Variants in FXYD7 observed in about 807,000 individuals in gnomAD.
FXYD7 encodes the protein FXYD domain-containing ion transport regulator 7.
FXYD7 carries 7 observed loss-of-function variants against 15.3 expected under a neutral mutation model. That is an observed-to-expected ratio of 0.46 (90% CI 0.26 to 0.86). The LOEUF is 0.86. Among genes scored for constraint, FXYD7 ranks in the 40% least tolerant of loss-of-function variants. The pLI is 0.16. For missense variants in FXYD7, 78 were observed against 100.6 expected (o/e 0.78, Z 0.96); for synonymous variants, 39 against 39.3 (o/e 0.99, Z 0.03).
intron 4 of FXYD7, 60 bp from the exon 5 acceptor site, chr19:35,151,573 C>T: frequency 6.3e-7 from 1 of 1,596,712 alleles, no homozygotes; most frequent in Non-Finnish European, 8.6e-7. Flanking sequence ...ATGCGTTTTC[C>T]CCAAAGCCTA....
At chr19:35,152,752 G>C (rs2065316191) in intron 5 of FXYD7, among the ~76,000 whole-genome samples, 1 of 151,808 alleles carries the variant, frequency 6.6e-6, no homozygotes, top group South Asian at 2.1e-4. Context: ...TGTAAGCATG[G>C]AAAGTGTAAA....
At chr19:35,153,813 G>T in intron 5 of FXYD7, 81 bp from the exon 6 acceptor site, 1 of 1,347,384 alleles carries the variant, frequency 7.4e-7, no homozygotes, top group South Asian at 1.2e-5. Flanking sequence ...CCATGGTGCC[G>T]GGGAATGGAG....
rs1475481216 is a variant in FXYD7 at position 35,151,510 on chromosome 19, A to AG, written c.179+33dup. The AG allele has an allele frequency of 3.1e-6, 5 of 1,612,948 alleles. No homozygotes were observed. The African/African-American group carries it at 4.0e-5, about 13-fold the overall frequency. Reference sequence around the variant, plus strand: ...CTGGCAGCAGTGGGCAAAGAGCGGGAGGGGGCCTCGGGGTGCCTCCCTAGC... The same window carrying AG: ...CTGGCAGCAGTGGGCAAAGAGCGGGAGGGGGGCCTCGGGGTGCCTCCCTAGC... On this transcript the variant is annotated intron_variant, in intron 4 of 5. Coordinates refer to ENST00000270310, the MANE Select transcript of FXYD7 (RefSeq NM_022006.2).
At chr19:35,149,022 C>T (rs1251528438) in intron 2 of FXYD7, 7 of 559,342 alleles carry the variant, frequency 1.3e-5, no homozygotes, top group Non-Finnish European at 2.0e-5. Context: ...GACTCTGAGC[C>T]CAGGCTGCCT....
intron 1 of FXYD7, among the ~76,000 whole-genome samples, chr19:35,145,775 G>A (rs1200866653): frequency 1.3e-5 from 2 of 152,106 alleles, no homozygotes; most frequent in African/African-American, 4.8e-5. Context: ...AAAAGGATTA[G>A]CTTTTTTATT....
At chr19:35,144,352 C>T (rs1345180199) in intron 1 of FXYD7, among the ~76,000 whole-genome samples, 1 of 152,166 alleles carries the variant, frequency 6.6e-6, no homozygotes, top group East Asian at 1.9e-4. Context: ...TTCCATTCCA[C>T]ACCAATTAAC....
chr19:35,153,989 G>A lies in FXYD7; in HGVS notation c.*73G>A. On this transcript the variant is annotated 3_prime_UTR_variant, in exon 6 of 6. Coordinates refer to ENST00000270310, the MANE Select transcript of FXYD7 (RefSeq NM_022006.2). ...CCTGAGGACCGGGTGGAGGCGGTGG[G>A]GACCCAGCCGCGCGCCGGGAGCGCT... The A allele has an allele frequency of 1.4e-6, 2 of 1,461,982 alleles. No individual in the cohort carries two copies. The highest frequency in any genetic ancestry group is 1.9e-6 in the Non-Finnish European group (2 of 1,053,620). 90.6% of individuals were successfully genotyped at this position (1,461,982 alleles called of 1,614,324 possible). A position where few individuals can be genotyped will look rare whatever the true frequency, so the allele number is the denominator to read the frequency against.
At chr19:35,144,968 A>G (rs2145394109) in intron 1 of FXYD7, among the ~76,000 whole-genome samples, 1 of 152,198 alleles carries the variant, frequency 6.6e-6, no homozygotes, top group South Asian at 2.1e-4. Flanking sequence ...GTCTCCCTCC[A>G]CCCTGCCAGA....
chr19:35,143,477 G>A lies in FXYD7; in HGVS notation c.31+113G>A. The A allele has an allele frequency of 8.5e-6, 7 of 828,298 alleles. No homozygotes were observed. The highest frequency in any genetic ancestry group is 1.1e-5 in the Non-Finnish European group (6 of 570,864). 51.3% of individuals were successfully genotyped at this position (828,298 alleles called of 1,614,324 possible). Reference sequence around the variant, plus strand: ...AAGGCAAGGGAGTTGGGGGAGGGAGGTCCGCTCCTCCTGTGGGCGGAAGCC... The same window carrying A: ...AAGGCAAGGGAGTTGGGGGAGGGAGATCCGCTCCTCCTGTGGGCGGAAGCC... On this transcript the variant is annotated intron_variant, in intron 1 of 5. Coordinates refer to ENST00000270310, the MANE Select transcript of FXYD7 (RefSeq NM_022006.2). The surrounding 1 kb of genome is among the most constrained non-coding windows in gnomAD (Gnocchi z 4.3).
At chr19:35,147,474 G>A (rs1403829036) in intron 1 of FXYD7, among the ~76,000 whole-genome samples, 2 of 152,150 alleles carry the variant, frequency 1.3e-5, no homozygotes, top group African/African-American at 2.4e-5. Flanking sequence ...TCTCCTGCAG[G>A]GGAACATGAT....
chr19:35,154,244 CT>C lies in FXYD7; in HGVS notation c.*329del. 2 of 478,994 alleles carry C rather than the reference CT, an allele frequency of 4.2e-6. No homozygotes were observed. The highest frequency in any genetic ancestry group is 2.8e-5 in the South Asian group (1 of 35,176). 29.7% of individuals were successfully genotyped at this position (478,994 alleles called of 1,614,324 possible). On this transcript the variant is annotated 3_prime_UTR_variant, in exon 6 of 6. Coordinates refer to ENST00000270310, the MANE Select transcript of FXYD7 (RefSeq NM_022006.2). ...GTCTCATCCCCGAAGATCCGTCCCC[CT>C]GGCCCCTCAGTGTCCATGTCTTGAG...
In FXYD7 at chr19:35,151,461, A is replaced by T. The variant is rs1346698179; in HGVS notation, c.158A>T (p.Lys53Met). The T allele has an allele frequency of 6.2e-7, 1 of 1,614,154 alleles. No individual in the cohort carries two copies. The highest frequency in any genetic ancestry group is 1.7e-5 in the Admixed American group (1 of 60,022). Reference sequence around the variant, plus strand: ...ACAGGCAAGAAGGTGAAGTGCAGGAAGGCGGACTCCAGGTCTGAGAGGTCT... The same window carrying T: ...ACAGGCAAGAAGGTGAAGTGCAGGATGGCGGACTCCAGGTCTGAGAGGTCT... ...IVISKKVKCR[K>M]ADSRSESPTC... Residue 53 changes from lysine (K) to methionine (M), a missense_variant, in exon 4 of 6, where the codon AAG (lysine) becomes ATG (methionine). Lys to Met is a moderately conservative substitution (Grantham distance 95). Transcript: ENST00000270310.
chr19:35,148,831 C>A, intron 2 of FXYD7, 108 bp downstream of exon 2: 1 of 975,286 alleles, frequency 1.0e-6, no homozygotes, highest in Non-Finnish European at 1.7e-6. Flanking sequence ...TGCTGGGCCA[C>A]TGGCCACGGG....
In FXYD7 at chr19:35,153,982, G is replaced by A; in HGVS notation, c.*66G>A. ...GCGGGAGCCTGAGGACCGGGTGGAGGCGGTGGGGACCCAGCCGCGCGCCGG... is the reference window on the plus strand; with the variant it reads ...GCGGGAGCCTGAGGACCGGGTGGAGACGGTGGGGACCCAGCCGCGCGCCGG... On this transcript the variant is annotated 3_prime_UTR_variant, in exon 6 of 6. Transcript: ENST00000270310. 1 of 1,526,594 alleles carries A rather than the reference G, an allele frequency of 6.6e-7. No homozygotes were observed. Among genetic ancestry groups the A allele is most frequent in the Non-Finnish European group, 9.0e-7 (1 of 1,108,118 alleles). 94.6% of individuals were successfully genotyped at this position (1,526,594 alleles called of 1,614,324 possible).
chr19:35,148,026 G>GGAGAGAAAGAAA (rs1366637230), intron 1 of FXYD7, among the ~76,000 whole-genome samples: 21 of 88,556 alleles, frequency 2.4e-4, no homozygotes, highest in African/African-American at 9.5e-4. Context: ...GAAGAAAGAA[G>GGAGAGAAAGAAA]GAAAGAAAGA....
chr19:35,144,478 C>T (rs1289515277), intron 1 of FXYD7, among the ~76,000 whole-genome samples: 2 of 152,178 alleles, frequency 1.3e-5, no homozygotes, highest in Admixed American at 6.5e-5. Context: ...GGAGCCAGTG[C>T]CCAGCAAGGG....
chr19:35,149,184 C>T (rs2065301109), intron 2 of FXYD7: 1 of 381,056 alleles, frequency 2.6e-6, no homozygotes, highest in Non-Finnish European at 5.3e-6. Context: ...TAAATCTCCT[C>T]CATGGCACTG....
At chr19:35,150,264 G>T (rs569884518) in intron 2 of FXYD7, among the ~76,000 whole-genome samples, 2 of 152,284 alleles carry the variant, frequency 1.3e-5, no homozygotes, top group East Asian at 1.9e-4. Flanking sequence ...GGGCATGGTG[G>T]TGTGTGCCTG....
intron 1 of FXYD7, 42 bp from the exon 2 acceptor site, chr19:35,148,652 G>GTTT: frequency 2.2e-6 from 3 of 1,356,688 alleles, no homozygotes; most frequent in Non-Finnish European, 2.0e-6. Context: ...ACACTGTTAA[G>GTTT]TTTTTTTTTT....
Sources: gnomAD v4.1 joint callset for allele counts (sites outside exome capture counted in the v4.1 genomes callset) on GRCh38, gnomAD v4.1.1 for gene constraint, Gnocchi (gnomAD v3.1) non-coding constraint, MANE v1.5 for transcripts, NCBI Gene and HGNC (gene_info 2026-07-23, HGNC 2026-07-21) for gene names.